The following MALRD1 variants were observed in gnomAD, a reference collection of about 807,000 sequenced individuals.
MALRD1 encodes the protein MAM and LDL-receptor class A domain-containing protein 1.
In MALRD1, 247 loss-of-function variants were observed where a neutral mutation model predicts 242.1. The observed-to-expected ratio is 1.02, with a 90% CI of 0.92 to 1.13. MALRD1 has a LOEUF of 1.13. MALRD1 is among the 50% of genes most tolerant of loss of function. The pLI is 0.00. For missense variants in MALRD1, 2,989 were observed against 2,533.1 expected, an observed-to-expected ratio of 1.18 and a Z score of -3.86; for synonymous variants, 995 against 866.6, an observed-to-expected ratio of 1.15 and a Z score of -2.60.
intron 8 of MALRD1, among the ~76,000 whole-genome samples, chr10:19,132,328 T>A (rs1446390920): frequency 6.6e-6 from 1 of 152,230 alleles, no homozygotes; most frequent in African/African-American, 2.4e-5. Flanking sequence ...CAACTTTTTA[T>A]AACTCCAGTT....
At chr10:19,148,678 A>C (rs1337523101) in intron 11 of MALRD1, among the ~76,000 whole-genome samples, 1 of 151,454 alleles carries the variant, frequency 6.6e-6, no homozygotes, top group Non-Finnish European at 1.5e-5. Flanking sequence ...GAATAGTGAA[A>C]GATAACAATA....
At chr10:19,346,683 G>C (rs371955814) in intron 24 of MALRD1, among the ~76,000 whole-genome samples, 1 of 151,800 alleles carries the variant, frequency 6.6e-6, no homozygotes, top group Non-Finnish European at 1.5e-5. Context: ...ATGGAGTCTC[G>C]CTCTATCACC....
At chr10:19,119,355 G>C (rs1302774337) in intron 5 of MALRD1, among the ~76,000 whole-genome samples, 1 of 152,154 alleles carries the variant, frequency 6.6e-6, no homozygotes, top group African/African-American at 2.4e-5. Flanking sequence ...AATAGAGAAA[G>C]AGTAATTCAC....
intron 30 of MALRD1, among the ~76,000 whole-genome samples, chr10:19,493,965 A>G (rs1167506686): frequency 1.3e-5 from 2 of 152,232 alleles, no homozygotes; most frequent in Non-Finnish European, 2.9e-5. Context: ...CCCACGACAC[A>G]GTAAAAACTT....
At chr10:19,484,275 A>G (rs1247966040) in intron 29 of MALRD1, among the ~76,000 whole-genome samples, 1 of 152,190 alleles carries the variant, frequency 6.6e-6, no homozygotes, top group Non-Finnish European at 1.5e-5. Flanking sequence ...AATCTAAAAT[A>G]AAATTGAAAT....
At chr10:19,673,543 ACT>A (rs1051613932) in intron 36 of MALRD1, among the ~76,000 whole-genome samples, 5 of 152,160 alleles carry the variant, frequency 3.3e-5, no homozygotes, top group African/African-American at 1.2e-4. Flanking sequence ...TATAAATGAC[ACT>A]GTTTTCAGAT....
intron 25 of MALRD1, 34 bp downstream of exon 25, chr10:19,348,052 A>G (rs926210499): frequency 7.1e-6 from 11 of 1,539,632 alleles, no homozygotes; most frequent in East Asian, 2.4e-5. Context: ...AACCAAACAA[A>G]CACAGAATTA....
intron 1 of MALRD1, among the ~76,000 whole-genome samples, chr10:19,057,626 A>G (rs1834706792): frequency 1.3e-5 from 2 of 152,208 alleles, no homozygotes; most frequent in African/African-American, 2.4e-5. Flanking sequence ...CAGAAAAAAC[A>G]CAGATGTGCA....
chr10:19,694,711 T>TC (rs1404967007), intron 38 of MALRD1, among the ~76,000 whole-genome samples: 2 of 152,280 alleles, frequency 1.3e-5, no homozygotes, highest in African/African-American at 2.4e-5. Flanking sequence ...GACCCAGCCA[T>TC]CCATTACTGG....
At chr10:19,579,986 A>G (rs1417042777) in intron 33 of MALRD1, among the ~76,000 whole-genome samples, 1 of 152,192 alleles carries the variant, frequency 6.6e-6, no homozygotes, top group African/African-American at 2.4e-5. Context: ...AACCTCGTCC[A>G]ACATTGCATA....
intron 24 of MALRD1, among the ~76,000 whole-genome samples, chr10:19,338,857 A>G (rs1409759786): frequency 6.6e-6 from 1 of 150,676 alleles, no homozygotes; most frequent in East Asian, 2.0e-4. Context: ...ATTTCTAACT[A>G]TATGTATATA....
chr10:19,165,838 C>T, intron 13 of MALRD1, 28 bp downstream of exon 13: 1 of 1,226,486 alleles, frequency 8.2e-7, no homozygotes, highest in Non-Finnish European at 1.0e-6. Context: ...TAATACAACT[C>T]AACAGAAGAC....
chr10:19,228,545 A>G (rs553028090), intron 18 of MALRD1, among the ~76,000 whole-genome samples: 3 of 152,230 alleles, frequency 2.0e-5, no homozygotes, highest in African/African-American at 4.8e-5. Flanking sequence ...TGTGTACATT[A>G]TACTTAAATG....
intron 36 of MALRD1, 24 bp downstream of exon 36, chr10:19,615,947 T>A: frequency 6.7e-7 from 1 of 1,502,944 alleles, no homozygotes; most frequent in Non-Finnish European, 8.9e-7. Context: ...TTTAATTTTT[T>A]TTTTTAAGAT....
chr10:19,441,358 G>C (rs1217120029), intron 28 of MALRD1, among the ~76,000 whole-genome samples: 2 of 152,226 alleles, frequency 1.3e-5, no homozygotes, highest in African/African-American at 2.4e-5. Context: ...GATCCCATTT[G>C]TCAATTTTGG....
intron 31 of MALRD1, among the ~76,000 whole-genome samples, chr10:19,514,968 C>G (rs1833562260): frequency 6.6e-6 from 1 of 152,060 alleles, no homozygotes; most frequent in Non-Finnish European, 1.5e-5. Context: ...CCAGTTTGAT[C>G]ACACATAAAA....
chr10:19,348,601 A>G (rs1223166755), intron 25 of MALRD1, among the ~76,000 whole-genome samples: 1 of 152,162 alleles, frequency 6.6e-6, no homozygotes, highest in Non-Finnish European at 1.5e-5. Flanking sequence ...ATCTATGGAG[A>G]TTTAAAAGTA....
chr10:19,365,866 T>A (rs1278895204), intron 26 of MALRD1, among the ~76,000 whole-genome samples: 1 of 151,982 alleles, frequency 6.6e-6, no homozygotes, highest in Non-Finnish European at 1.5e-5. Flanking sequence ...ACCCAGAAAC[T>A]TTCCTGTTCT....
chr10:19,493,607 A>C (rs1454113938), intron 30 of MALRD1, among the ~76,000 whole-genome samples: 1 of 151,324 alleles, frequency 6.6e-6, no homozygotes, highest in Non-Finnish European at 1.5e-5. Context: ...CAGGAGTTCA[A>C]GACCAGCCTG....
Sources: gnomAD v4.1 joint callset for allele counts (sites outside exome capture counted in the v4.1 genomes callset) on GRCh38, gnomAD v4.1.1 for gene constraint, MANE v1.5 for transcripts, NCBI Gene and HGNC (gene_info 2026-07-23, HGNC 2026-07-21) for gene names.